ICA1: variants seen among roughly 807,000 people sequenced by gnomAD.
ICA1 encodes islet cell autoantigen 1.
In ICA1, 40 loss-of-function variants were observed where a neutral mutation model predicts 71.0. The ratio of observed to expected loss-of-function variants is 0.56; its 90% confidence interval spans 0.44 to 0.73. ICA1 has a LOEUF of 0.73. ICA1 is among the 30% of genes least tolerant of loss of function. ICA1 has a pLI of 0.00. For synonymous variants in ICA1, 207 were observed against 209.5 expected (o/e 0.99, Z 0.10); for missense variants, 578 against 576.5 (o/e 1.00, Z -0.03).
chr7:8,127,941 G>C lies in ICA1; in HGVS notation c.1262C>G (p.Thr421Arg), dbSNP rs1217019730. Residue 421 changes from threonine to arginine, a missense_variant, in exon 13 of 14, where the codon ACA becomes AGA. By Grantham distance (71) the Thr-to-Arg change is moderately conservative. Coordinates refer to ENST00000402384, the MANE Select transcript of ICA1 (RefSeq NM_001136020.3). ...CTGCGAAGGAAGGAAACCTGAGCCT[G>C]TCTGGGCCTTGGGGTCTGGCTCTCC... ...ALGEPDPKAQ[T>R]GSGFLPSQLL... is the part of the protein sequence containing the mutation. 4.3e-6 allele frequency: 7 copies of C among 1,614,148 alleles called. No individual in the cohort carries two copies. Among genetic ancestry groups the C allele is most frequent in the African/African-American group, 1.3e-5 (1 of 74,944 alleles).
Position 8,157,233 on chromosome 7 carries a change from A to G in ICA1, c.706-19T>C. 6.3e-7 allele frequency: 1 copy of G among 1,583,436 alleles called. No individual in the cohort carries two copies. The highest frequency in any genetic ancestry group is 8.6e-7 in the Non-Finnish European group (1 of 1,168,840). ...GAGTGGTCTGCAAAGAAAGACAGTA[A>G]AGCTATTAATGTTTTGAATGCCCAG... On this transcript the variant is annotated intron_variant, in intron 7 of 13. Coordinates refer to ENST00000402384, the MANE Select transcript of ICA1 (RefSeq NM_001136020.3).
chr7:8,237,291 T>C (rs1414498947), intron 1 of ICA1, among the ~76,000 whole-genome samples: 1 of 152,160 alleles, frequency 6.6e-6, no homozygotes, highest in Non-Finnish European at 1.5e-5. Flanking sequence ...CCAGACAGCT[T>C]CACTGTAAGT....
chr7:8,124,768 A>G (rs1391536024), intron 13 of ICA1, among the ~76,000 whole-genome samples: 6 of 148,502 alleles, frequency 4.0e-5, no homozygotes, highest in Non-Finnish European at 8.9e-5. Flanking sequence ...ATAGTACAGT[A>G]GTTACAAGTT....
At position 8,207,043 on chromosome 7, in the gene ICA1, T is replaced by G. The variant is rs115170582; in HGVS notation, c.579+11262A>C. On this transcript the variant is annotated intron_variant, in intron 6 of 13. Transcript: ENST00000402384. The stretch of plus-strand genomic sequence containing the variant: ...AAGAACAAAGCAGAAGAAGACCTCA[T>G]CCCTCAATTTGTTTATATAATTAAT... Among the ~76,000 whole-genome samples the G allele has an allele frequency of 4.3e-3, 652 of 152,272 alleles. 4 individuals carry two copies. Among genetic ancestry groups the G allele is most frequent in the African/African-American group, 0.015 (607 of 41,544 alleles).
intron 9 of ICA1, among the ~76,000 whole-genome samples, chr7:8,142,407 T>C (rs1562630433): frequency 2.0e-5 from 3 of 152,252 alleles, no homozygotes; most frequent in African/African-American, 7.2e-5. Context: ...GTGTTCACTG[T>C]CATTTTAAAT....
intron 6 of ICA1, among the ~76,000 whole-genome samples, chr7:8,198,834 T>C (rs1788566118): frequency 6.6e-6 from 1 of 151,978 alleles, no homozygotes; most frequent in Non-Finnish European, 1.5e-5. Context: ...TGGGAGAAAA[T>C]AATGTGCAAA....
At chr7:8,245,409 T>TGGG (rs1468278796) in intron 1 of ICA1, among the ~76,000 whole-genome samples, 31 of 96,910 alleles carry the variant, frequency 3.2e-4, no homozygotes, top group African/African-American at 1.3e-3. Context: ...GGGCCTGTTG[T>TGGG]GGGGTGGGGG....
intron 6 of ICA1, among the ~76,000 whole-genome samples, chr7:8,188,876 G>A (rs1483041776): frequency 6.6e-6 from 1 of 152,166 alleles, no homozygotes; most frequent in Non-Finnish European, 1.5e-5. Context: ...ATCTTTCAGT[G>A]ACGCAAAGAG....
chr7:8,235,392 T>C (rs1173709882), intron 2 of ICA1, among the ~76,000 whole-genome samples: 2 of 152,172 alleles, frequency 1.3e-5, no homozygotes, highest in African/African-American at 2.4e-5. Flanking sequence ...AGCGCTAACA[T>C]TGCCAAATGG....
At chr7:8,157,259 T>G (rs1246659543) in intron 7 of ICA1, 45 bp from the exon 8 acceptor site, 1 of 1,520,068 alleles carries the variant, frequency 6.6e-7, no homozygotes, top group East Asian at 2.3e-5. Flanking sequence ...GAATGCCCAG[T>G]TCTAGTCCTG....
chr7:8,247,966 TC>T (rs1193810228), intron 1 of ICA1, among the ~76,000 whole-genome samples: 1 of 152,204 alleles, frequency 6.6e-6, no homozygotes, highest in African/African-American at 2.4e-5. Flanking sequence ...CTAAAACTTA[TC>T]AGGCAGCAAC....
At chr7:8,205,913 A>G (rs1791362332) in intron 6 of ICA1, among the ~76,000 whole-genome samples, 3 of 152,222 alleles carry the variant, frequency 2.0e-5, no homozygotes, top group African/African-American at 4.8e-5. Context: ...CTCGGCCTGT[A>G]GGGTGCTGCA....
chr7:8,175,566 C>T (rs1164502741), intron 6 of ICA1, among the ~76,000 whole-genome samples: 2 of 152,186 alleles, frequency 1.3e-5, no homozygotes, highest in South Asian at 2.1e-4. Flanking sequence ...ATGCAGCTGA[C>T]ACAATTTCAA....
Position 8,143,875 on chromosome 7 carries a change from T to C in ICA1, c.902A>G (p.Gln301Arg), listed in dbSNP as rs768994853. 8.1e-6 allele frequency: 13 copies of C among 1,595,396 alleles called. No individual in the cohort carries two copies. The Admixed American group carries it at 8.4e-5, about 10-fold the overall frequency. ...CAGAGGGAAGGAACCTGTGACTTAC[T>C]GGCTCGGCTCCTGCACGGCTGCATC... The part of the protein sequence containing the change: ...STDAAVQEPS[Q>R]LISLEEENQR... The change falls in exon 9 of 14, where the codon CAA (glutamine) becomes CGA (arginine). Residue 301 changes from glutamine (Q) to arginine (R), a missense_variant and splice_region_variant. Gln to Arg is a conservative substitution (Grantham distance 43). Coordinates refer to ENST00000402384, the MANE Select transcript of ICA1 (RefSeq NM_001136020.3).
intron 1 of ICA1, 152 bp downstream of exon 1, chr7:8,261,942 G>A (rs1051140150): frequency 4.6e-5 from 7 of 152,476 alleles, no homozygotes; most frequent in South Asian, 2.1e-4. Flanking sequence ...TCCGGGACCC[G>A]AGGAGGCGAC....
chr7:8,210,521 T>C (rs1229617428), intron 6 of ICA1, among the ~76,000 whole-genome samples: 3 of 152,128 alleles, frequency 2.0e-5, no homozygotes, highest in Admixed American at 6.5e-5. Flanking sequence ...GTACATCCAG[T>C]AGGAAAGGTA....
At chr7:8,193,057 G>C (rs1786249369) in intron 6 of ICA1, among the ~76,000 whole-genome samples, 1 of 152,174 alleles carries the variant, frequency 6.6e-6, no homozygotes, top group Non-Finnish European at 1.5e-5. Context: ...ACAAAGATCT[G>C]GTTTCTAGAT....
chr7:8,211,915 G>A (rs1484325068), intron 6 of ICA1, among the ~76,000 whole-genome samples: 5 of 152,132 alleles, frequency 3.3e-5, no homozygotes, highest in Non-Finnish European at 5.9e-5. Context: ...GAATGAATAG[G>A]CATGGTCATG....
chr7:8,203,608 C>G (rs898958488), intron 6 of ICA1, among the ~76,000 whole-genome samples: 1 of 152,190 alleles, frequency 6.6e-6, no homozygotes, highest in South Asian at 2.1e-4. Context: ...AGCCAGGATT[C>G]TCCACATCCA....
Sources: gnomAD v4.1 joint callset for allele counts (sites outside exome capture counted in the v4.1 genomes callset) on GRCh38, gnomAD v4.1.1 for gene constraint, MANE v1.5 for transcripts, NCBI Gene and HGNC (gene_info 2026-07-23, HGNC 2026-07-21) for gene names.